The following KIAA1614 variants were observed in gnomAD, a reference collection of about 807,000 sequenced individuals.
KIAA1614 encodes the protein uncharacterized protein KIAA1614.
In KIAA1614, 76 loss-of-function variants were observed where a neutral mutation model predicts 88.7. The observed-to-expected ratio is 0.86, with a 90% CI of 0.71 to 1.04. The LOEUF is 1.04. Among genes scored for constraint, KIAA1614 ranks in the 50% least tolerant of loss-of-function variants. KIAA1614 has a pLI of 0.00. For synonymous variants in KIAA1614, 714 were observed against 675.5 expected, an observed-to-expected ratio of 1.06 and a Z score of -0.88; for missense variants, 1,553 against 1,582.5, an observed-to-expected ratio of 0.98 and a Z score of 0.32.
intron 1 of KIAA1614, among the ~76,000 whole-genome samples, chr1:180,914,649 A>ACT (rs1257900053): frequency 6.6e-6 from 1 of 152,168 alleles, no homozygotes; most frequent in Admixed American, 6.5e-5. Context: ...TTCTGGGTTC[A>ACT]AGTGATTCTC....
Position 180,936,082 on chromosome 1 carries a change from C to A in KIAA1614, c.2173C>A (p.Pro725Thr). 2 of 1,614,192 alleles carry A rather than the reference C, an allele frequency of 1.2e-6. No homozygotes were observed. The highest frequency in any genetic ancestry group is 1.7e-6 in the Non-Finnish European group (2 of 1,180,016). Residue 725 changes from proline (P) to threonine (T), a missense_variant, in exon 5 of 9, where the codon CCT becomes ACT. Physicochemically the swap from Pro to Thr is conservative, Grantham distance 38. Coordinates refer to ENST00000367588, the MANE Select transcript of KIAA1614 (RefSeq NM_020950.2). ...GGTGTCCCTGGGACCCCAGTGGCAG[C>A]CTGGACCAGGGCTGGGAAGTCACCA... is the stretch of plus-strand genomic sequence containing the variant. The part of the protein sequence containing the change: ...KRVSLGPQWQ[P>T]GPGLGSHQPH...
chr1:180,931,394 G>A (rs1434271497), intron 4 of KIAA1614, among the ~76,000 whole-genome samples: 1 of 152,196 alleles, frequency 6.6e-6, no homozygotes, highest in Non-Finnish European at 1.5e-5. Context: ...CTGGAAAGGG[G>A]TCCCTGTGAA....
intron 4 of KIAA1614, among the ~76,000 whole-genome samples, chr1:180,932,887 G>A (rs1011492923): frequency 7.9e-5 from 12 of 152,062 alleles, no homozygotes; most frequent in Non-Finnish European, 1.5e-4. Context: ...CTACAGGCAC[G>A]CATCACCACT....
intron 4 of KIAA1614, among the ~76,000 whole-genome samples, chr1:180,933,354 G>A (rs973238694): frequency 6.6e-6 from 1 of 152,222 alleles, no homozygotes; most frequent in African/African-American, 2.4e-5. Flanking sequence ...ACTTGACCCT[G>A]TGCCCTCTTC....
Position 180,936,135 on chromosome 1 carries a change from A to T in KIAA1614, c.2226A>T (p.Pro742=). The T allele has an allele frequency of 6.2e-7, 1 of 1,614,146 alleles. No individual in the cohort carries two copies. Among genetic ancestry groups the T allele is most frequent in the East Asian group, 2.2e-5 (1 of 44,888 alleles). ...HQPHPLDSRT[P]CRTAYATTAP... ...CTCACCCTTTGGATTCCCGGACTCC[A>T]TGCAGGACAGCCTATGCCACCACCG... Residue 742 remains proline (P), a synonymous_variant, in exon 5 of 9, where the codon CCA becomes CCT. Coordinates refer to ENST00000367588, the MANE Select transcript of KIAA1614 (RefSeq NM_020950.2).
At chr1:180,924,890 A>AATAATAATAATAATAATC (rs2102261595) in intron 3 of KIAA1614, among the ~76,000 whole-genome samples, 1 of 147,886 alleles carries the variant, frequency 6.8e-6, no homozygotes, top group South Asian at 2.1e-4. Flanking sequence ...ATGATAAAAT[A>AATAATAATAATAATAATC]ATAATAATAA....
At chr1:180,940,375 C>T (rs557220955) in intron 6 of KIAA1614, among the ~76,000 whole-genome samples, 1 of 152,276 alleles carries the variant, frequency 6.6e-6, no homozygotes, top group Non-Finnish European at 1.5e-5. Flanking sequence ...GTGGTGTGTG[C>T]CTGCAATCCC....
rs2102270023 is a variant in KIAA1614, at chr1:180,935,704, A to G, written c.1795A>G (p.Ile599Val). 3 of 1,613,676 alleles carry G rather than the reference A, an allele frequency of 1.9e-6. No individual in the cohort carries two copies. The highest frequency in any genetic ancestry group is 1.7e-6 in the Non-Finnish European group (2 of 1,179,922). ...LHMEWIRETH[I>V]GDTVCPAEVD... ...CATGGAATGGATCCGGGAAACACACATCGGAGACACCGTGTGCCCTGCGGA... is the reference window on the plus strand; with the variant it reads ...CATGGAATGGATCCGGGAAACACACGTCGGAGACACCGTGTGCCCTGCGGA... The change falls in exon 5 of 9, where the codon ATC becomes GTC. Residue 599 changes from isoleucine (I) to valine (V), a missense_variant. Physicochemically the swap from Ile to Val is conservative, Grantham distance 29. Transcript: ENST00000367588. This position sits in a 1 kb window ranked among gnomAD's most constrained non-coding sequence, Gnocchi z 6.1.
At chr1:180,919,202 C>A (rs953892529) in intron 3 of KIAA1614, among the ~76,000 whole-genome samples, 1 of 152,192 alleles carries the variant, frequency 6.6e-6, no homozygotes, top group Non-Finnish European at 1.5e-5. Flanking sequence ...CAAGCGAGGG[C>A]AGCCCAGGTT....
intron 4 of KIAA1614, among the ~76,000 whole-genome samples, chr1:180,932,906 A>T (rs1027038947): frequency 2.6e-5 from 4 of 151,816 alleles, no homozygotes; most frequent in African/African-American, 9.7e-5. Context: ...CTCCCGGCTA[A>T]TTTTTTCTAT....
intron 3 of KIAA1614, 100 bp from the exon 4 acceptor site, chr1:180,928,330 T>TC: frequency 7.5e-7 from 1 of 1,324,892 alleles, no homozygotes; most frequent in Non-Finnish European, 1.0e-6. Flanking sequence ...CAGGGCTTTT[T>TC]CTGGCACAGC....
At chr1:180,937,738 G>T (rs1654363485) in intron 5 of KIAA1614, among the ~76,000 whole-genome samples, 1 of 152,158 alleles carries the variant, frequency 6.6e-6, no homozygotes, top group Non-Finnish European at 1.5e-5. Context: ...CACAGACTTG[G>T]TCCCTCTTCC....
chr1:180,937,598 G>A (rs1022554812), intron 5 of KIAA1614, among the ~76,000 whole-genome samples: 1 of 152,196 alleles, frequency 6.6e-6, no homozygotes. Flanking sequence ...CCACGGCTCT[G>A]ACAGTCTTGG....
chr1:180,928,152 C>T, intron 3 of KIAA1614: 1 of 360,886 alleles, frequency 2.8e-6, no homozygotes. Flanking sequence ...TTTCTAGATC[C>T]TCTTGAGGTC....
In KIAA1614 at chr1:180,935,886, G is replaced by A. The variant is rs546298540; in HGVS notation, c.1977G>A (p.Trp659Ter). 1.9e-6 allele frequency: 3 copies of A among 1,613,886 alleles called. No individual in the cohort carries two copies. The highest frequency in any genetic ancestry group is 2.7e-5 in the African/African-American group (2 of 75,064). Reference sequence around the variant, plus strand: ...GCTCCAGGCCTCGAGGCCACAGGTGGTCCAAGAAGGCTGAGGCGGAGCTCC... The same window carrying A: ...GCTCCAGGCCTCGAGGCCACAGGTGATCCAAGAAGGCTGAGGCGGAGCTCC... ...LRGSRPRGHR[W>*]SKKAEAELPW... is the part of the protein sequence containing the mutation. The change falls in exon 5 of 9, where the codon TGG becomes TGA. Residue 659 changes from tryptophan to a stop codon, truncating the protein, a stop_gained. Coordinates refer to ENST00000367588, the MANE Select transcript of KIAA1614 (RefSeq NM_020950.2). LOFTEE classifies it high-confidence loss of function. This position sits in a 1 kb window ranked among gnomAD's most constrained non-coding sequence, Gnocchi z 6.1.
In KIAA1614 at chr1:180,916,581, C is replaced by A. The variant is rs760330839; in HGVS notation, c.478C>A (p.Gln160Lys). ...GQLDGSINEE[Q>K]PARDGGPRLP... ...GCTGGACGGCAGCATCAATGAGGAGCAACCCGCCAGGGATGGAGGCCCCAG... is the reference window on the plus strand; with the variant it reads ...GCTGGACGGCAGCATCAATGAGGAGAAACCCGCCAGGGATGGAGGCCCCAG... Residue 160 changes from glutamine to lysine, a missense_variant, in exon 2 of 9, where the codon CAA becomes AAA. Gln to Lys is a moderately conservative substitution (Grantham distance 53, BLOSUM62 1). Transcript: ENST00000367588. The A allele has an allele frequency of 2.5e-6, 4 of 1,608,044 alleles. No individual in the cohort carries two copies. The highest frequency in any genetic ancestry group is 3.4e-6 in the Non-Finnish European group (4 of 1,176,442).
intron 3 of KIAA1614, among the ~76,000 whole-genome samples, chr1:180,921,172 A>G (rs973128276): frequency 2.0e-5 from 3 of 147,702 alleles, no homozygotes; most frequent in Non-Finnish European, 3.0e-5. Context: ...TTGGGTGGGT[A>G]GAGGAAAATT....
chr1:180,919,231 C>G lies in KIAA1614; in HGVS notation c.1061+1317C>G, dbSNP rs956232300. On this transcript the variant is annotated intron_variant, in intron 3 of 8. Transcript: ENST00000367588. ...CCAGGTTCATGTGATTGGGCTTCTG[C>G]TTGCCTAAGGGCCTGATGGAGAGGG... 8.5e-5 allele frequency among the ~76,000 whole-genome samples: 13 copies of G among 152,178 alleles called. No homozygotes were observed. In the East Asian group the frequency reaches 1.7e-3, roughly 20 times the overall value.
Position 180,950,822 on chromosome 1 carries a change from G to A in KIAA1614, c.*5234G>A, listed in dbSNP as rs1033377524. 1 of 152,526 alleles carries A rather than the reference G, an allele frequency of 6.6e-6. No homozygotes were observed. Among genetic ancestry groups the A allele is most frequent in the African/African-American group, 2.4e-5 (1 of 41,446 alleles). 9.4% of individuals were successfully genotyped at this position (152,526 alleles called of 1,614,324 possible). ...ACATCTACTTGTACCTTTGTTGGCA[G>A]GGGGAGAAGGGAGATTCAGTGGATC... On this transcript the variant is annotated 3_prime_UTR_variant, in exon 9 of 9. Transcript: ENST00000367588.
Sources: allele counts gnomAD v4.1 joint callset (sites outside exome capture counted in the v4.1 genomes callset), GRCh38; gene constraint gnomAD v4.1.1; non-coding constraint Gnocchi (gnomAD v3.1); transcripts MANE v1.5; gene names NCBI Gene and HGNC (gene_info 2026-07-23, HGNC 2026-07-21).